Variants in UGGT2 observed in about 807,000 individuals in gnomAD.
The protein encoded by UGGT2 is UDP-glucose:glycoprotein glucosyltransferase 2.
A neutral mutation model predicts 192.1 loss-of-function variants in UGGT2; 180 were observed. The observed-to-expected ratio is 0.94, with a 90% CI of 0.83 to 1.06. The LOEUF (loss-of-function observed/expected upper bound fraction) is 1.06, where lower values mean the gene tolerates loss of function less well. Ranked by LOEUF, UGGT2 falls within the 50% of genes least tolerant of loss-of-function variation. UGGT2 has a pLI of 0.00. For missense variants in UGGT2, 1,849 were observed against 1,795.7 expected, an observed-to-expected ratio of 1.03 and a Z score of -0.54; for synonymous variants, 580 against 591.0, an observed-to-expected ratio of 0.98 and a Z score of 0.27.
chr13:95,886,291 G>C (rs1416758803), intron 26 of UGGT2, among the ~76,000 whole-genome samples: 1 of 152,176 alleles, frequency 6.6e-6, no homozygotes, highest in African/African-American at 2.4e-5. Flanking sequence ...GAATAAATGT[G>C]TATGCTAGGT....
intron 36 of UGGT2, among the ~76,000 whole-genome samples, chr13:95,837,756 A>G (rs1056076995): frequency 2.6e-5 from 4 of 152,154 alleles, no homozygotes; most frequent in Admixed American, 6.5e-5. Flanking sequence ...TTCCCCAGAG[A>G]TATTTGTTTA....
chr13:95,934,906 A>G (rs929757609), intron 17 of UGGT2, among the ~76,000 whole-genome samples: 2 of 152,124 alleles, frequency 1.3e-5, no homozygotes, highest in African/African-American at 2.4e-5. Flanking sequence ...AAGATTTTTC[A>G]TAGGTGTGGA....
chr13:95,866,316 T>C (rs1566609838), intron 30 of UGGT2, among the ~76,000 whole-genome samples: 1 of 152,234 alleles, frequency 6.6e-6, no homozygotes, highest in Non-Finnish European at 1.5e-5. Context: ...TCAGAGGCTA[T>C]TCTAATAATT....
intron 2 of UGGT2, among the ~76,000 whole-genome samples, chr13:96,026,656 CTTCTTTT>C (rs2052673972): frequency 7.1e-6 from 1 of 140,440 alleles, no homozygotes; most frequent in Non-Finnish European, 1.5e-5. Context: ...CTCTTTCACT[CTTCTTTT>C]TTTTTTTTTT....
chr13:95,845,677 T>C (rs1888341442), intron 36 of UGGT2, among the ~76,000 whole-genome samples: 1 of 152,192 alleles, frequency 6.6e-6, no homozygotes, highest in Non-Finnish European at 1.5e-5. Flanking sequence ...CTCAATGAGC[T>C]GTTGGGTACA....
At chr13:95,809,016 C>G (rs899958608) in intron 38 of UGGT2, among the ~76,000 whole-genome samples, 1 of 152,088 alleles carries the variant, frequency 6.6e-6, no homozygotes, top group African/African-American at 2.4e-5. Context: ...AAAAACTAAC[C>G]CCCCATCTAT....
intron 10 of UGGT2, among the ~76,000 whole-genome samples, chr13:95,978,698 T>C (rs1483264031): frequency 1.3e-5 from 2 of 152,202 alleles, no homozygotes; most frequent in South Asian, 4.1e-4. Flanking sequence ...GATTTGATTT[T>C]CGTATATGGT....
intron 33 of UGGT2, among the ~76,000 whole-genome samples, chr13:95,858,609 G>T (rs1889855426): frequency 6.6e-6 from 1 of 152,080 alleles, no homozygotes; most frequent in South Asian, 2.1e-4. Flanking sequence ...TTTGTGTCTG[G>T]TCTCCCCGGA....
At chr13:95,919,701 G>T (rs1439940597) in intron 20 of UGGT2, among the ~76,000 whole-genome samples, 2 of 152,090 alleles carry the variant, frequency 1.3e-5, no homozygotes, top group Non-Finnish European at 2.9e-5. Context: ...AAGGAAATCG[G>T]AGAGGACACA....
At chr13:95,960,047 T>C (rs2050339193) in intron 12 of UGGT2, among the ~76,000 whole-genome samples, 1 of 152,150 alleles carries the variant, frequency 6.6e-6, no homozygotes, top group South Asian at 2.1e-4. Context: ...ACTGCACACA[T>C]TGAGAATCAA....
chr13:95,860,738 A>G, intron 32 of UGGT2, 50 bp downstream of exon 32: 1 of 1,215,240 alleles, frequency 8.2e-7, no homozygotes, highest in East Asian at 2.8e-5. Context: ...TGAAATTTGA[A>G]CCATGTAAAT....
intron 8 of UGGT2, among the ~76,000 whole-genome samples, chr13:95,988,445 T>C (rs1353275999): frequency 1.3e-5 from 2 of 152,074 alleles, no homozygotes; most frequent in Non-Finnish European, 2.9e-5. Context: ...GAAAGAACAG[T>C]CACAAGGGCT....
intron 21 of UGGT2, 64 bp from the exon 22 acceptor site, chr13:95,901,002 T>C: frequency 8.6e-7 from 1 of 1,157,150 alleles, no homozygotes; most frequent in South Asian, 3.2e-5. Context: ...AATCATTTTG[T>C]TTAAAAAACT....
intron 34 of UGGT2, among the ~76,000 whole-genome samples, chr13:95,855,672 A>T (rs1889537218): frequency 6.6e-6 from 1 of 152,056 alleles, no homozygotes. Flanking sequence ...TACAGGCATA[A>T]GCTGGCCAAA....
intron 20 of UGGT2, among the ~76,000 whole-genome samples, chr13:95,917,340 T>G (rs923581576): frequency 2.0e-4 from 31 of 152,110 alleles, no homozygotes; most frequent in Non-Finnish European, 2.4e-4. Flanking sequence ...CTAAGCTTCA[T>G]AAGTGAAGGA....
chr13:95,885,407 G>A (rs1271406541), intron 26 of UGGT2, among the ~76,000 whole-genome samples: 1 of 152,152 alleles, frequency 6.6e-6, no homozygotes, highest in Non-Finnish European at 1.5e-5. Flanking sequence ...TTCCTTGCTG[G>A]TAGTTGTCTG....
At chr13:95,898,950 G>A (rs2048025377) in intron 22 of UGGT2, among the ~76,000 whole-genome samples, 1 of 152,176 alleles carries the variant, frequency 6.6e-6, no homozygotes, top group Non-Finnish European at 1.5e-5. Context: ...GACAAAACGT[G>A]TCCCTCAAAA....
chr13:95,910,195 A>G (rs2048442526), intron 20 of UGGT2, among the ~76,000 whole-genome samples: 1 of 152,178 alleles, frequency 6.6e-6, no homozygotes, highest in African/African-American at 2.4e-5. Context: ...AACAGGCAAA[A>G]TAACCAGCAA....
chr13:95,924,088 T>C (rs917245152), intron 20 of UGGT2, among the ~76,000 whole-genome samples: 1 of 152,216 alleles, frequency 6.6e-6, no homozygotes, highest in Non-Finnish European at 1.5e-5. Flanking sequence ...ATCATGATTA[T>C]TGCACTTCAT....
Sources: gnomAD v4.1 joint callset for allele counts (sites outside exome capture counted in the v4.1 genomes callset) on GRCh38, gnomAD v4.1.1 for gene constraint, MANE v1.5 for transcripts, NCBI Gene and HGNC (gene_info 2026-07-23, HGNC 2026-07-21) for gene names.